The following TRAF7 variants were observed in gnomAD, a reference collection of about 807,000 sequenced individuals.
TRAF7 encodes the protein TNF receptor associated factor 7, also known as E3 ubiquitin-protein ligase TRAF7.
In TRAF7, 45 loss-of-function variants were observed where a neutral mutation model predicts 89.3. The observed-to-expected ratio is 0.50, with a 90% confidence interval of 0.40 to 0.65. The LOEUF (loss-of-function observed/expected upper bound fraction) is 0.65. Among genes scored for constraint, TRAF7 ranks in the 30% least tolerant of loss-of-function variants. The pLI is 0.00. For missense variants in TRAF7, 677 were observed against 918.1 expected (o/e 0.74, Z 3.39); for synonymous variants, 406 against 369.2 (o/e 1.10, Z -1.14).
rs1050088118 is a variant in TRAF7, at chr16:2,177,313, G to A, written c.*739G>A. ...GACAGCTGGGCACGTCCACTCGCAG[G>A]GAAACACGGGGTGAGACAGCAGGAA... is the stretch of plus-strand genomic sequence containing the variant. On this transcript the variant is annotated 3_prime_UTR_variant, in exon 21 of 21. Transcript: ENST00000326181. The A allele has an allele frequency of 4.3e-6, 1 of 234,846 alleles. No individual in the cohort carries two copies. Among genetic ancestry groups the A allele is most frequent in the African/African-American group, 2.2e-5 (1 of 45,344 alleles). The allele number at this position is 234,846 out of a possible 1,614,324, so 14.5% of individuals were successfully genotyped here. A position where few individuals can be genotyped will look rare whatever the true frequency, so the allele number is the denominator to read the frequency against.
rs1412556588 is a variant in TRAF7 at position 2,158,564 on chromosome 16, C to T, written c.-39+2706C>T. ...GGGAAAGGAGGTGGCAGTGCGGTGG[C>T]ACGCTGGCATGAGGGCGCTGGGTGA... On this transcript the variant is annotated intron_variant, in intron 1 of 20. Coordinates refer to ENST00000326181, the MANE Select transcript of TRAF7 (RefSeq NM_032271.3). This position sits in a 1 kb window ranked among gnomAD's most constrained non-coding sequence, Gnocchi z 4.7. Among the ~76,000 whole-genome samples the T allele has an allele frequency of 6.6e-6, 1 of 152,218 alleles. No homozygotes were observed. The highest frequency in any genetic ancestry group is 1.9e-4 in the East Asian group (1 of 5,202).
In TRAF7 at chr16:2,157,745, C is replaced by A. The variant is rs142298653; in HGVS notation, c.-39+1887C>A. Among the ~76,000 whole-genome samples, 105 of 152,182 alleles carry A rather than the reference C, an allele frequency of 6.9e-4. 3 individuals carry two copies. The South Asian group carries it at 0.012, about 18-fold the overall frequency. On this transcript the variant is annotated intron_variant, in intron 1 of 20. Coordinates refer to ENST00000326181, the MANE Select transcript of TRAF7 (RefSeq NM_032271.3). ...GCTCTGGGATGCAGCCACTCCCCGG[C>A]TTGGCATGGGACTGGCTCAGGCGCT...
chr16:2,176,223 CAGCTGAG>C, intron 19 of TRAF7, 35 bp from the exon 20 acceptor site: 1 of 1,600,740 alleles, frequency 6.2e-7, no homozygotes, highest in Non-Finnish European at 8.5e-7. Flanking sequence ...AGAGGGCTGG[CAGCTGAG>C]CTCCGGCGGG....
chr16:2,157,657 A>C (rs1451413075), intron 1 of TRAF7, among the ~76,000 whole-genome samples: 1 of 152,006 alleles, frequency 6.6e-6, no homozygotes, highest in East Asian at 1.9e-4. Context: ...AGGAATGAGC[A>C]GTTTGGGGAA....
intron 7 of TRAF7, 133 bp from the exon 8 acceptor site, chr16:2,172,058 G>A: frequency 9.6e-7 from 1 of 1,046,100 alleles, no homozygotes; most frequent in Non-Finnish European, 1.4e-6. Flanking sequence ...GCCCACCTGT[G>A]CCCCCGTTCC....
At chr16:2,160,856 G>A (rs1215376434) in intron 1 of TRAF7, among the ~76,000 whole-genome samples, 2 of 151,764 alleles carry the variant, frequency 1.3e-5, no homozygotes, top group African/African-American at 2.4e-5. Context: ...CCTCTGGGGG[G>A]CCAGGGCATG....
In TRAF7 at chr16:2,175,385, G is replaced by A. The variant is rs139483392; in HGVS notation, c.1471G>A (p.Val491Met). ...GTGCACGCTGGTCTCCTCACACAAC[G>A]TGCTCTTCAGCGGCTCCCTGAAGGC... ...PVCTLVSSHN[V>M]LFSGSLKAIK... Residue 491 changes from valine to methionine, a missense_variant, in exon 16 of 21, where the codon GTG (valine) becomes ATG (methionine). Coordinates refer to ENST00000326181, the MANE Select transcript of TRAF7 (RefSeq NM_032271.3). 2.5e-4 allele frequency: 396 copies of A among 1,613,622 alleles called. 1 individual carries two copies. The highest frequency in any genetic ancestry group is 3.2e-4 in the Non-Finnish European group (381 of 1,179,998).
intron 2 of TRAF7, among the ~76,000 whole-genome samples, chr16:2,165,294 C>T (rs1456648960): frequency 7.3e-6 from 1 of 137,576 alleles, no homozygotes; most frequent in African/African-American, 2.9e-5. Flanking sequence ...GTGGCGCGGC[C>T]TGGTCGCATG....
intron 1 of TRAF7, among the ~76,000 whole-genome samples, chr16:2,156,819 C>G (rs1349073700): frequency 6.6e-6 from 1 of 152,128 alleles, no homozygotes; most frequent in Non-Finnish European, 1.5e-5. Flanking sequence ...CAGTAAAGAG[C>G]TTTCTAACTG....
At position 2,163,195 on chromosome 16, in the gene TRAF7, C is replaced by T. The variant is rs1046292218; in HGVS notation, c.-38-688C>T. Among the ~76,000 whole-genome samples the T allele has an allele frequency of 1.8e-4, 27 of 152,244 alleles. No homozygotes were observed. The highest frequency in any genetic ancestry group is 3.3e-4 in the Admixed American group (5 of 15,302). ...GTGATTCCCGCATGCCTTCTCCCTG[C>T]CCCCCCACCCACCAGCCCCTGAGCC... On this transcript the variant is annotated intron_variant, in intron 1 of 20. Transcript: ENST00000326181. The surrounding 1 kb of genome is among the most constrained non-coding windows in gnomAD (Gnocchi z 4.3).
intron 3 of TRAF7, 140 bp downstream of exon 3, chr16:2,166,076 C>G: frequency 3.1e-6 from 3 of 982,270 alleles, no homozygotes; most frequent in Non-Finnish European, 1.5e-6. Context: ...CACACCGCAG[C>G]CTGTGTCCTC....
chr16:2,164,212 T>C (rs192374384), intron 2 of TRAF7, among the ~76,000 whole-genome samples: 1 of 150,040 alleles, frequency 6.7e-6, no homozygotes, highest in Admixed American at 6.6e-5. Flanking sequence ...GGCGTGTTAG[T>C]GCTGTGTGGC....
intron 2 of TRAF7, among the ~76,000 whole-genome samples, chr16:2,164,906 T>G (rs711311): frequency 2.9e-4 from 3 of 10,492 alleles, no homozygotes; most frequent in Admixed American, 8.9e-4. Flanking sequence ...TTAAGCGTGT[T>G]AGTGCTGCGT....
Position 2,177,029 on chromosome 16 carries a change from G to A in TRAF7, c.*455G>A. ...GGCACTGGCTGCTGTGAGTGGGGGG[G>A]CATGGGGCAGTTTCCTTTGGTGGAC... On this transcript the variant is annotated 3_prime_UTR_variant, in exon 21 of 21. Coordinates refer to ENST00000326181, the MANE Select transcript of TRAF7 (RefSeq NM_032271.3). 3.1e-6 allele frequency: 1 copy of A among 324,446 alleles called. No individual in the cohort carries two copies. The highest frequency in any genetic ancestry group is 5.2e-5 in the South Asian group (1 of 19,326). 20.1% of individuals were successfully genotyped at this position (324,446 alleles called of 1,614,324 possible). A position where few individuals can be genotyped will look rare whatever the true frequency, so the allele number is the denominator to read the frequency against.
rs2093147184 is a variant in TRAF7 at position 2,177,895 on chromosome 16, T to TAGC, written c.*1325_*1327dup. The TAGC allele has an allele frequency of 3.1e-6, 1 of 317,584 alleles. No homozygotes were observed. The highest frequency in any genetic ancestry group is 2.2e-5 in the African/African-American group (1 of 45,466). The allele number at this position is 317,584 out of a possible 1,614,324, so 19.7% of individuals were successfully genotyped here. A position where few individuals can be genotyped will look rare whatever the true frequency, so the allele number is the denominator to read the frequency against. On this transcript the variant is annotated 3_prime_UTR_variant, in exon 21 of 21. Transcript: ENST00000326181. ...CCGGGCCCCAGCCTTCCACCTGTGCTAGCAGCCTGGGGCCTCCACTCTGGC... is the reference window on the plus strand; with the variant it reads ...CCGGGCCCCAGCCTTCCACCTGTGCTAGCAGCAGCCTGGGGCCTCCACTCTGGC...
chr16:2,172,475 G>A lies in TRAF7; in HGVS notation c.670G>A (p.Gly224Ser). 2 of 1,610,050 alleles carry A rather than the reference G, an allele frequency of 1.2e-6. No individual in the cohort carries two copies. Among genetic ancestry groups the A allele is most frequent in the East Asian group, 4.5e-5 (2 of 44,802 alleles). The change falls in exon 9 of 21, where the codon GGC (glycine) becomes AGC (serine). Residue 224 changes from glycine to serine, a missense_variant. Physicochemically the swap from Gly to Ser is moderately conservative, Grantham distance 56. Coordinates refer to ENST00000326181, the MANE Select transcript of TRAF7 (RefSeq NM_032271.3). ...CCCGCCCTGGCACAGGGACCACGAG[G>A]GCAGCTGTGACTACAGGCCTGTGCG... ...IKLSARKDHE[G>S]SCDYRPVRCP...
intron 1 of TRAF7, among the ~76,000 whole-genome samples, chr16:2,160,543 GT>G (rs2093054160): frequency 7.8e-6 from 1 of 128,780 alleles, no homozygotes; most frequent in African/African-American, 3.2e-5. Context: ...CGGGCAGGCG[GT>G]GTGGATGGGC....
Position 2,171,356 on chromosome 16 carries a change from G to A in TRAF7, c.441G>A (p.Gly147=), listed in dbSNP as rs2093109401. The A allele has an allele frequency of 6.5e-7, 1 of 1,550,062 alleles. No individual in the cohort carries two copies. Among genetic ancestry groups the A allele is most frequent in the South Asian group, 1.2e-5 (1 of 84,416 alleles). ...VFKDPVITTC[G]HTFCRRCALK... ...AAGACCCCGTGATCACCACGTGTGGGGTGAGCCCGCCGCCCTTCCCAGCCC... is the reference window on the plus strand; with the variant it reads ...AAGACCCCGTGATCACCACGTGTGGAGTGAGCCCGCCGCCCTTCCCAGCCC... Residue 147 remains glycine (G), a splice_region_variant and synonymous_variant, in exon 6 of 21, where the codon GGG becomes GGA. Transcript: ENST00000326181.
At position 2,176,710 on chromosome 16, in the gene TRAF7, G is replaced by T; in HGVS notation, c.*136G>T. ...GGACAGGCTCTGGCAGCCGGGCAGTGCCCTCCCCGTCCCATGCTCGGCGAG... is the reference window on the plus strand; with the variant it reads ...GGACAGGCTCTGGCAGCCGGGCAGTTCCCTCCCCGTCCCATGCTCGGCGAG... On this transcript the variant is annotated 3_prime_UTR_variant, in exon 21 of 21. Coordinates refer to ENST00000326181, the MANE Select transcript of TRAF7 (RefSeq NM_032271.3). 7.6e-7 allele frequency: 1 copy of T among 1,315,228 alleles called. No homozygotes were observed. The highest frequency in any genetic ancestry group is 1.1e-6 in the Non-Finnish European group (1 of 932,158). 81.5% of individuals were successfully genotyped at this position (1,315,228 alleles called of 1,614,324 possible).
Sources: allele counts gnomAD v4.1 joint callset (sites outside exome capture counted in the v4.1 genomes callset), GRCh38; gene constraint gnomAD v4.1.1; non-coding constraint Gnocchi (gnomAD v3.1); transcripts MANE v1.5; gene names NCBI Gene and HGNC (gene_info 2026-07-23, HGNC 2026-07-21).